The following PAGE2B variants were observed in gnomAD, a reference collection of about 807,000 sequenced individuals.
The protein encoded by PAGE2B is PAGE family member 2B.
A neutral mutation model predicts 7.6 loss-of-function variants in PAGE2B; 5 were observed. The ratio of observed to expected loss-of-function variants is 0.66; its 90% CI spans 0.34 to 1.38. The LOEUF is 1.38. Ranked by LOEUF, PAGE2B falls within the 40% of genes most tolerant of loss-of-function variation. The probability of loss-of-function intolerance (pLI) is 0.04; values close to 1 mark genes in which losing one functional copy is unlikely to be tolerated. For synonymous variants in PAGE2B, 29 were observed against 26.7 expected (o/e 1.09, Z -0.27); for missense variants, 70 against 78.4 (o/e 0.89, Z 0.41).
the PAGE2B span, among the ~76,000 whole-genome samples, chrX:55,069,939 C>T: frequency 9.9e-5 from 11 of 111,382 alleles, no homozygotes; most frequent in African/African-American, 3.6e-4. Flanking sequence ...CTCTTTTCTT[C>T]TTTATCAGTC....
the PAGE2B span, among the ~76,000 whole-genome samples, chrX:55,068,721 T>C: frequency 8.9e-6 from 1 of 111,785 alleles, no homozygotes; most frequent in South Asian, 3.8e-4. Context: ...CATTGAGCAG[T>C]GGTTTGTAGT....
chrX:55,047,547 G>A, the PAGE2B span, among the ~76,000 whole-genome samples: 1 of 111,575 alleles, frequency 9.0e-6, no homozygotes, highest in African/African-American at 3.3e-5. Flanking sequence ...GTGTAAAAGT[G>A]TTCCTATTTC....
the PAGE2B span, among the ~76,000 whole-genome samples, chrX:55,067,063 T>C: frequency 9.0e-6 from 1 of 111,119 alleles, no homozygotes; most frequent in African/African-American, 3.3e-5. Flanking sequence ...TATTATGCTT[T>C]GTTTTTATTA....
At chrX:55,040,822 A>T in the PAGE2B span, among the ~76,000 whole-genome samples, 4 of 111,680 alleles carry the variant, frequency 3.6e-5, no homozygotes, top group African/African-American at 1.3e-4. Flanking sequence ...ATATTTTACC[A>T]TGACTAAAAA....
At chrX:55,069,245 T>G in the PAGE2B span, among the ~76,000 whole-genome samples, 2 of 112,095 alleles carry the variant, frequency 1.8e-5, no homozygotes, top group African/African-American at 6.5e-5. Flanking sequence ...GTTTTTAGCA[T>G]GCAGGGCTGT....
the PAGE2B span, among the ~76,000 whole-genome samples, chrX:55,060,721 T>C: frequency 1.8e-5 from 2 of 111,712 alleles, no homozygotes; most frequent in Non-Finnish European, 3.8e-5. Context: ...CTTTCCTCTA[T>C]GTTTTCTTTC....
the PAGE2B span, among the ~76,000 whole-genome samples, chrX:55,059,498 GA>G: frequency 9.0e-6 from 1 of 111,250 alleles, no homozygotes; most frequent in Non-Finnish European, 1.9e-5. Context: ...ATTTTTAATT[GA>G]AAAATACAAA....
chrX:55,048,389 C>A, the PAGE2B span, among the ~76,000 whole-genome samples: 1 of 111,619 alleles, frequency 9.0e-6, no homozygotes, highest in Admixed American at 9.5e-5. Flanking sequence ...TATAAATTAC[C>A]TTGGGAGGTA....
At chrX:55,048,131 T>C in the PAGE2B span, among the ~76,000 whole-genome samples, 8 of 111,999 alleles carry the variant, frequency 7.1e-5, no homozygotes, top group Non-Finnish European at 1.5e-4. Context: ...GCTGTAGATA[T>C]GCGGCATTAT....
chrX:55,069,772 A>T, the PAGE2B span, among the ~76,000 whole-genome samples: 1 of 111,045 alleles, frequency 9.0e-6, no homozygotes, highest in East Asian at 2.8e-4. Flanking sequence ...TAGTCTTGGG[A>T]GGGTGTATGT....
At chrX:55,069,750 C>T in the PAGE2B span, among the ~76,000 whole-genome samples, 1 of 111,201 alleles carries the variant, frequency 9.0e-6, no homozygotes, top group African/African-American at 3.3e-5. Context: ...GGGATTCTAC[C>T]TCTTCCTGGT....
chrX:55,034,910 T>C, the PAGE2B span, among the ~76,000 whole-genome samples: 23 of 110,432 alleles, frequency 2.1e-4, no homozygotes, highest in African/African-American at 7.6e-4. Flanking sequence ...GAAGCCAGTC[T>C]GAGTCCCAAA....
the PAGE2B span, among the ~76,000 whole-genome samples, chrX:55,051,390 A>G: frequency 8.9e-6 from 1 of 111,794 alleles, no homozygotes; most frequent in Non-Finnish European, 1.9e-5. Context: ...CCTGGATAAT[A>G]TCCTGCAGAG....
chrX:55,033,507 A>G, the PAGE2B span, among the ~76,000 whole-genome samples: 1 of 111,594 alleles, frequency 9.0e-6, no homozygotes, highest in African/African-American at 3.3e-5. Flanking sequence ...AGGGAGAAGT[A>G]AGTTTCAGTC....
At chrX:55,028,769 A>G in the PAGE2B span, among the ~76,000 whole-genome samples, 1 of 110,090 alleles carries the variant, frequency 9.1e-6, no homozygotes, top group Non-Finnish European at 1.9e-5. Flanking sequence ...CTCTGTTTCT[A>G]TTCCATCTCA....
intron 1 of PAGE2B, among the ~76,000 whole-genome samples, chrX:55,075,393 C>G (rs780737552): frequency 9.1e-6 from 1 of 110,410 alleles, no homozygotes; most frequent in Non-Finnish European, 1.9e-5. Context: ...GTCTGAGTCT[C>G]GAAAACTCCT....
At chrX:55,073,329 C>T (rs1936467845), upstream of PAGE2B, among the ~76,000 whole-genome samples, 1 of 111,245 alleles carries the variant, frequency 9.0e-6, no homozygotes, top group Non-Finnish European at 1.9e-5. Flanking sequence ...TAACTCCTTA[C>T]ACTTCACGGG....
At chrX:55,066,380 C>T in the PAGE2B span, among the ~76,000 whole-genome samples, 1 of 112,368 alleles carries the variant, frequency 8.9e-6, no homozygotes, top group East Asian at 2.8e-4. Flanking sequence ...TGTGAGCCAC[C>T]ATGCCCAGCC....
At chrX:55,062,134 T>C in the PAGE2B span, among the ~76,000 whole-genome samples, 1 of 111,596 alleles carries the variant, frequency 9.0e-6, no homozygotes, top group Non-Finnish European at 1.9e-5. Context: ...TGTTGGATCG[T>C]ATGGTAGCTC....
Sources: allele counts gnomAD v4.1 joint callset (sites outside exome capture counted in the v4.1 genomes callset), GRCh38; gene constraint gnomAD v4.1.1; transcripts MANE v1.5; gene names NCBI Gene and HGNC (gene_info 2026-07-23, HGNC 2026-07-21).